OTOF: variants seen among roughly 807,000 people sequenced by gnomAD.
The protein encoded by OTOF is otoferlin, also known as fer-1-like family member 2.
In OTOF, 218 loss-of-function variants were observed where a neutral mutation model predicts 236.8. The observed-to-expected ratio is 0.92, with a 90% confidence interval of 0.82 to 1.03. The LOEUF (loss-of-function observed/expected upper bound fraction) is 1.03. Among genes scored for constraint, OTOF ranks in the 50% least tolerant of loss-of-function variants. The pLI is 0.00. For synonymous variants in OTOF, 1,041 were observed against 1,072.5 expected (o/e 0.97, Z 0.57); for missense variants, 2,590 against 2,694.4 (o/e 0.96, Z 0.86).
intron 3 of OTOF, among the ~76,000 whole-genome samples, chr2:26,520,238 C>A (rs560186705): frequency 1.4e-4 from 21 of 152,152 alleles, no homozygotes; most frequent in African/African-American, 3.9e-4. Context: ...CTGGAAGGGA[C>A]CTTGGGCATC....
At chr2:26,483,674 T>C (rs1665626257) in intron 12 of OTOF, 26 bp from the exon 13 acceptor site, 1 of 1,607,970 alleles carries the variant, frequency 6.2e-7, no homozygotes, top group Non-Finnish European at 8.5e-7. Context: ...GCCAGGGCCA[T>C]GGTCACCAGG....
At chr2:26,517,730 G>T (rs1342849302) in intron 4 of OTOF, among the ~76,000 whole-genome samples, 3 of 152,164 alleles carry the variant, frequency 2.0e-5, no homozygotes. Flanking sequence ...CCCCATCCAG[G>T]ACTTCATTGT....
chr2:26,480,429 G>A lies in OTOF; in HGVS notation c.1804-118C>T, dbSNP rs996912740. 8 of 738,074 alleles carry A rather than the reference G, an allele frequency of 1.1e-5. No individual in the cohort carries two copies. The East Asian group carries it at 1.3e-4, about 12-fold the overall frequency. 45.7% of individuals were successfully genotyped at this position (738,074 alleles called of 1,614,324 possible). ...GGTGGATGGTGGGGGCATCCCACCC[G>A]GCTTTGGGGCCAGGCAGCCCACACC... On this transcript the variant is annotated intron_variant, in intron 15 of 46. Coordinates refer to ENST00000272371, the MANE Select transcript of OTOF (RefSeq NM_194248.3).
At chr2:26,501,706 C>A (rs148595171) in intron 8 of OTOF, 48 bp downstream of exon 8, 1 of 1,313,292 alleles carries the variant, frequency 7.6e-7, no homozygotes, top group Non-Finnish European at 1.1e-6. Flanking sequence ...TAGAATCCCC[C>A]ACTAGAGCAG....
Position 26,462,765 on chromosome 2 carries a change from G to A in OTOF, c.5193-584C>T, listed in dbSNP as rs9679392. ...TGCTGCATGATTTGCTGGGGCCAGCGCCAAATGGAAATGCAGGGTCACTTG... is the reference window on the plus strand; with the variant it reads ...TGCTGCATGATTTGCTGGGGCCAGCACCAAATGGAAATGCAGGGTCACTTG... On this transcript the variant is annotated intron_variant, in intron 41 of 46. Transcript: ENST00000272371. The surrounding 1 kb of genome is among the most constrained non-coding windows in gnomAD (Gnocchi z 4.7). Among the ~76,000 whole-genome samples the A allele has an allele frequency of 0.054, 8,197 of 152,250 alleles. 359 individuals carry two copies. Among genetic ancestry groups the A allele is most frequent in the East Asian group, 0.14 (722 of 5,166 alleles).
At position 26,477,402 on chromosome 2, in the gene OTOF, A is replaced by G; in HGVS notation, c.2406+14T>C. The stretch of plus-strand genomic sequence containing the variant: ...GCCCTCCCTCCAGCCCCCGCCGTCC[A>G]GTTGCGTCCTCACCAGCTCCCTCAT... On this transcript the variant is annotated intron_variant, in intron 20 of 46. Coordinates refer to ENST00000272371, the MANE Select transcript of OTOF (RefSeq NM_194248.3). The surrounding 1 kb of genome is among the most constrained non-coding windows in gnomAD (Gnocchi z 4.7). The G allele has an allele frequency of 6.3e-7, 1 of 1,576,926 alleles. No individual in the cohort carries two copies. The highest frequency in any genetic ancestry group is 8.6e-7 in the Non-Finnish European group (1 of 1,161,408).
rs756565923 is a variant in OTOF, at chr2:26,476,013, C to T, written c.2892G>A (p.Ala964=). ...YTKKQAFQLR[A]HMYQARSLFA... ...AGAGGCTGCGGGCCTGGTACATGTG[C>T]GCTCGGAGCTGGAACGCCTGCTTCT... is the stretch of plus-strand genomic sequence containing the variant. The change falls in exon 24 of 47, where the codon GCG becomes GCA. Residue 964 remains alanine (A), a synonymous_variant. Transcript: ENST00000272371. 5.0e-6 allele frequency: 8 copies of T among 1,612,586 alleles called. No individual in the cohort carries two copies. Among genetic ancestry groups the T allele is most frequent in the South Asian group, 2.2e-5 (2 of 90,994 alleles).
chr2:26,540,110 T>C (rs1279970606), intron 1 of OTOF, among the ~76,000 whole-genome samples: 1 of 152,154 alleles, frequency 6.6e-6, no homozygotes, highest in Non-Finnish European at 1.5e-5. Flanking sequence ...ATTTTTTTAC[T>C]TTTAGTAGAG....
rs769051185 is a variant in OTOF at position 26,467,164 on chromosome 2, G to A, written c.4297C>T (p.Arg1433Trp). ...TCCTCATCATCCCCGGTCTTGCCCC[G>A]AAGCAAGTTGAAAGTGTGCAGCCAG... The part of the protein sequence containing the change: ...EDWLHTFNLL[R>W]GKTGDDEDGS... Residue 1433 changes from arginine (R) to tryptophan (W), a missense_variant, in exon 35 of 47, where the codon CGG becomes TGG. By Grantham distance (101) the Arg-to-Trp change is moderately radical. This residue lies in a region of OTOF where 1,211 missense variants were observed against 1,352.8 expected (regional missense o/e 0.90). Coordinates refer to ENST00000272371, the MANE Select transcript of OTOF (RefSeq NM_194248.3). 1.9e-5 allele frequency: 31 copies of A among 1,613,958 alleles called. No homozygotes were observed. The highest frequency in any genetic ancestry group is 8.8e-5 in the South Asian group (8 of 91,070).
At position 26,505,734 on chromosome 2, in the gene OTOF, T is replaced by C. The variant is rs112800183; in HGVS notation, c.510-1889A>G. Among the ~76,000 whole-genome samples the C allele has an allele frequency of 3.6e-3, 548 of 152,350 alleles. 4 individuals are homozygous for C. The highest frequency in any genetic ancestry group is 0.012 in the African/African-American group (516 of 41,582). ...GCCTCGATGCCGTAGGACTGCACTTTTCTGTGGGCAAGAATCCCATCCATT... is the reference window on the plus strand; with the variant it reads ...GCCTCGATGCCGTAGGACTGCACTTCTCTGTGGGCAAGAATCCCATCCATT... On this transcript the variant is annotated intron_variant, in intron 5 of 46. Coordinates refer to ENST00000272371, the MANE Select transcript of OTOF (RefSeq NM_194248.3).
chr2:26,485,147 T>C (rs936166339), intron 11 of OTOF, among the ~76,000 whole-genome samples: 1 of 152,240 alleles, frequency 6.6e-6, no homozygotes, highest in Admixed American at 6.5e-5. Flanking sequence ...TCCTCCTTGC[T>C]GAACAGGTGT....
chr2:26,523,454 G>A (rs1348853217), intron 3 of OTOF, among the ~76,000 whole-genome samples: 1 of 152,140 alleles, frequency 6.6e-6, no homozygotes, highest in Non-Finnish European at 1.5e-5. Flanking sequence ...CTCTGAGATG[G>A]CAGTGATGGG....
intron 11 of OTOF, among the ~76,000 whole-genome samples, 175 bp from the exon 12 acceptor site, chr2:26,484,808 C>T (rs1665662438): frequency 6.6e-6 from 1 of 152,182 alleles, no homozygotes; most frequent in African/African-American, 2.4e-5. Context: ...GTCTGAGGTC[C>T]TCTGGAGCTG....
Position 26,558,684 on chromosome 2 carries a change from CG to C in OTOF, c.-114del. The C allele has an allele frequency of 1.1e-6, 1 of 904,844 alleles. No individual in the cohort carries two copies. The highest frequency in any genetic ancestry group is 1.8e-6 in the Non-Finnish European group (1 of 564,492). 56.1% of individuals were successfully genotyped at this position (904,844 alleles called of 1,614,324 possible). ...TGCCGCTGCCTCCTCCTCCTCCTCC[CG>C]ACCCCCCTCCGATGCTGCCCACAGA... On this transcript the variant is annotated 5_prime_UTR_variant, in exon 1 of 47. Coordinates refer to ENST00000272371, the MANE Select transcript of OTOF (RefSeq NM_194248.3).
In OTOF at chr2:26,466,703, G is replaced by A. The variant is rs727503353; in HGVS notation, c.4500+11C>T. The A allele has an allele frequency of 3.6e-5, 58 of 1,613,954 alleles. No individual in the cohort carries two copies. The highest frequency in any genetic ancestry group is 3.3e-4 in the Middle Eastern group (2 of 6,084). On this transcript the variant is annotated intron_variant, in intron 36 of 46. Coordinates refer to ENST00000272371, the MANE Select transcript of OTOF (RefSeq NM_194248.3). Reference sequence around the variant, plus strand: ...GAGACTTGCAAGGAGGGAAAGCGACGGGAGTCTCACCCGGACCACATAGAC... The same window carrying A: ...GAGACTTGCAAGGAGGGAAAGCGACAGGAGTCTCACCCGGACCACATAGAC...
intron 16 of OTOF, 64 bp from the exon 17 acceptor site, chr2:26,479,717 A>G: frequency 6.6e-7 from 1 of 1,521,352 alleles, no homozygotes; most frequent in Non-Finnish European, 9.1e-7. Flanking sequence ...CCACCGTCCA[A>G]TCCGGTGCTG....
Position 26,536,276 on chromosome 2 carries a change from A to T in OTOF, c.138+1440T>A, listed in dbSNP as rs116127944. On this transcript the variant is annotated intron_variant, in intron 2 of 46. Transcript: ENST00000272371. ...CACAGAGACCTTCACACCCATCACC[A>T]ACCCCATTTGACAAAGATGGTGGCA... is the stretch of plus-strand genomic sequence containing the variant. Among the ~76,000 whole-genome samples, 298 of 152,288 alleles carry T rather than the reference A, an allele frequency of 2.0e-3. 2 individuals are homozygous for T. The highest frequency in any genetic ancestry group is 6.8e-3 in the Middle Eastern group (2 of 294).
intron 5 of OTOF, among the ~76,000 whole-genome samples, chr2:26,513,060 G>C (rs1666428877): frequency 6.6e-6 from 1 of 152,204 alleles, no homozygotes. Flanking sequence ...GAAGTGGGCA[G>C]AGTGGCTCAG....
At chr2:26,543,167 C>A (rs1667247773) in intron 1 of OTOF, among the ~76,000 whole-genome samples, 1 of 152,188 alleles carries the variant, frequency 6.6e-6, no homozygotes, top group African/African-American at 2.4e-5. Flanking sequence ...TGTATTTTCT[C>A]TCTCCCCACT....
Sources: allele counts gnomAD v4.1 joint callset (sites outside exome capture counted in the v4.1 genomes callset), GRCh38; gene constraint gnomAD v4.1.1; regional missense constraint gnomAD v4.1.1; non-coding constraint Gnocchi (gnomAD v3.1); transcripts MANE v1.5; gene names NCBI Gene and HGNC (gene_info 2026-07-23, HGNC 2026-07-21).